The following BCKDHB variants were observed in gnomAD, a reference collection of about 807,000 sequenced individuals.
BCKDHB encodes the protein 2-oxoisovalerate dehydrogenase subunit beta, mitochondrial.
Under a neutral mutation model 48.5 loss-of-function variants are expected in BCKDHB, and 41 were observed. That is an observed-to-expected ratio of 0.85 (90% confidence interval 0.66 to 1.10). The LOEUF (loss-of-function observed/expected upper bound fraction) is 1.10, where lower values mean the gene tolerates loss of function less well. Among genes scored for constraint, BCKDHB ranks in the 50% least tolerant of loss-of-function variants. BCKDHB has a pLI of 0.00. For synonymous variants in BCKDHB, 201 were observed against 174.8 expected (o/e 1.15, Z -1.18); for missense variants, 496 against 494.2 (o/e 1.00, Z -0.03).
chr6:80,193,821 G>A (rs1774013898), intron 6 of BCKDHB, among the ~76,000 whole-genome samples: 1 of 152,070 alleles, frequency 6.6e-6, no homozygotes, highest in Non-Finnish European at 1.5e-5. Context: ...TTCATTTAGT[G>A]GTCAAGAGTG....
At chr6:80,292,197 G>C (rs1048679585) in intron 9 of BCKDHB, among the ~76,000 whole-genome samples, 1 of 152,184 alleles carries the variant, frequency 6.6e-6, no homozygotes, top group Non-Finnish European at 1.5e-5. Context: ...TATAAGTTAA[G>C]TTTGATTCCT....
At chr6:80,389,170 C>T in the BCKDHB span, among the ~76,000 whole-genome samples, 1 of 152,174 alleles carries the variant, frequency 6.6e-6, no homozygotes, top group African/African-American at 2.4e-5. Flanking sequence ...ATAGGATGAC[C>T]CCTTCTGTGG....
At chr6:80,295,061 G>T (rs748942029) in intron 9 of BCKDHB, among the ~76,000 whole-genome samples, 1 of 152,048 alleles carries the variant, frequency 6.6e-6, no homozygotes, top group Non-Finnish European at 1.5e-5. Context: ...CAGTCCTACC[G>T]ATATGTGATG....
chr6:80,440,305 A>AAAACAGAG, the BCKDHB span, among the ~76,000 whole-genome samples: 1 of 152,222 alleles, frequency 6.6e-6, no homozygotes, highest in Non-Finnish European at 1.5e-5. Flanking sequence ...ACTCAACAAA[A>AAAACAGAG]AAACAGAGAG....
chr6:80,108,073 G>A (rs1190634408), intron 1 of BCKDHB, among the ~76,000 whole-genome samples: 1 of 152,194 alleles, frequency 6.6e-6, no homozygotes, highest in East Asian at 1.9e-4. Context: ...ACCTTAAAAG[G>A]TTAGTAAAGT....
At chr6:80,279,555 T>C (rs1778113702) in intron 9 of BCKDHB, among the ~76,000 whole-genome samples, 1 of 151,986 alleles carries the variant, frequency 6.6e-6, no homozygotes, top group Admixed American at 6.6e-5. Context: ...CATTGTCTGT[T>C]TGAAAGCATC....
chr6:80,276,874 T>TA (rs1004179574), intron 9 of BCKDHB, among the ~76,000 whole-genome samples: 13 of 151,950 alleles, frequency 8.6e-5, no homozygotes, highest in Admixed American at 3.3e-4. Flanking sequence ...ATTACAAAAA[T>TA]AAAAAACAGT....
intron 8 of BCKDHB, among the ~76,000 whole-genome samples, chr6:80,270,885 G>A (rs1214882260): frequency 6.6e-6 from 1 of 151,946 alleles, no homozygotes; most frequent in Non-Finnish European, 1.5e-5. Flanking sequence ...ACATTATTAT[G>A]TTTTTTGAGA....
At chr6:80,362,200 G>A in the BCKDHB span, among the ~76,000 whole-genome samples, 1 of 152,050 alleles carries the variant, frequency 6.6e-6, no homozygotes, top group South Asian at 2.1e-4. Context: ...CTCTGTGATG[G>A]TCAACTTGAT....
the BCKDHB span, among the ~76,000 whole-genome samples, chr6:80,394,278 A>C: frequency 6.6e-6 from 1 of 151,930 alleles, no homozygotes; most frequent in Admixed American, 6.6e-5. Context: ...GATTTTCTCA[A>C]GTTTCTCTTT....
intron 9 of BCKDHB, among the ~76,000 whole-genome samples, chr6:80,313,907 G>A (rs1768300911): frequency 6.6e-6 from 1 of 152,122 alleles, no homozygotes; most frequent in Non-Finnish European, 1.5e-5. Flanking sequence ...TGGGCATTTA[G>A]TGCTATAAAT....
At chr6:80,199,341 C>G (rs921306786) in intron 6 of BCKDHB, among the ~76,000 whole-genome samples, 6 of 152,054 alleles carry the variant, frequency 3.9e-5, no homozygotes, top group Non-Finnish European at 8.8e-5. Context: ...TAACTGGGAG[C>G]CTTCCAGAGG....
At chr6:80,466,326 G>A in the BCKDHB span, among the ~76,000 whole-genome samples, 1 of 152,050 alleles carries the variant, frequency 6.6e-6, no homozygotes. Flanking sequence ...TTGGAAGATT[G>A]TAGAAATAAG....
At chr6:80,367,507 A>G in the BCKDHB span, among the ~76,000 whole-genome samples, 4 of 152,222 alleles carry the variant, frequency 2.6e-5, no homozygotes, top group Non-Finnish European at 4.4e-5. Flanking sequence ...CACACATTCT[A>G]TCAACACTCT....
chr6:80,369,812 A>G, the BCKDHB span, among the ~76,000 whole-genome samples: 8 of 152,298 alleles, frequency 5.3e-5, no homozygotes, highest in East Asian at 9.6e-4. Flanking sequence ...CCCAGTATCA[A>G]CCTTTCCATT....
the BCKDHB span, among the ~76,000 whole-genome samples, chr6:80,398,053 C>T: frequency 1.3e-5 from 2 of 152,130 alleles, no homozygotes; most frequent in South Asian, 4.1e-4. Context: ...ATCATCATAT[C>T]AGTAGCTCTG....
the BCKDHB span, among the ~76,000 whole-genome samples, chr6:80,360,341 T>C: frequency 1.3e-5 from 2 of 152,226 alleles, no homozygotes; most frequent in African/African-American, 4.8e-5. Flanking sequence ...CACATCATTG[T>C]CATTATTCGT....
intron 8 of BCKDHB, among the ~76,000 whole-genome samples, chr6:80,247,516 G>C (rs1029864810): frequency 2.0e-5 from 3 of 152,202 alleles, no homozygotes; most frequent in African/African-American, 7.2e-5. Context: ...ATTAGATGTA[G>C]AAGGGAAACT....
intron 9 of BCKDHB, among the ~76,000 whole-genome samples, chr6:80,331,675 C>T (rs188994106): frequency 2.0e-5 from 3 of 152,288 alleles, no homozygotes; most frequent in East Asian, 3.9e-4. Context: ...TCACTCACAG[C>T]GCAGGTTGAT....
Sources: gnomAD v4.1 joint callset for allele counts (sites outside exome capture counted in the v4.1 genomes callset) on GRCh38, gnomAD v4.1.1 for gene constraint, MANE v1.5 for transcripts, NCBI Gene and HGNC (gene_info 2026-07-23, HGNC 2026-07-21) for gene names.